Variants in PTH2R observed in about 807,000 individuals in gnomAD.
PTH2R encodes the protein parathyroid hormone 2 receptor.
Under a neutral mutation model 60.3 loss-of-function variants are expected in PTH2R, and 59 were observed. The observed-to-expected ratio is 0.98, with a 90% CI of 0.79 to 1.22. The LOEUF (loss-of-function observed/expected upper bound fraction) is 1.22, where lower values mean the gene tolerates loss of function less well. Ranked by LOEUF, PTH2R falls within the 50% of genes most tolerant of loss-of-function variation. The probability of loss-of-function intolerance (pLI) is 0.00; values close to 1 mark genes in which losing one functional copy is unlikely to be tolerated. For missense variants in PTH2R, 749 were observed against 682.6 expected, an observed-to-expected ratio of 1.10 and a Z score of -1.08; for synonymous variants, 256 against 243.8, an observed-to-expected ratio of 1.05 and a Z score of -0.47.
chr2:208,411,982 A>T (rs1002066474), intron 1 of PTH2R, among the ~76,000 whole-genome samples: 2 of 152,176 alleles, frequency 1.3e-5, no homozygotes, highest in Non-Finnish European at 2.9e-5. Flanking sequence ...CTAGATTAAG[A>T]TTATTTCTAA....
intron 1 of PTH2R, among the ~76,000 whole-genome samples, chr2:208,415,227 A>T (rs555228295): frequency 3.3e-5 from 5 of 152,228 alleles, no homozygotes; most frequent in Non-Finnish European, 7.3e-5. Context: ...GTACTATCTT[A>T]TATAAATAAA....
At chr2:208,359,910 C>G (rs1171987408) in exon 1 of PTH2R, 1 of 224,026 alleles carries the variant, frequency 4.5e-6, no homozygotes. Context: ...GCAGGGAGAC[C>G]GGGAGGTGGC....
At chr2:208,371,365 G>A (rs1480687149) in intron 1 of PTH2R, among the ~76,000 whole-genome samples, 2 of 152,098 alleles carry the variant, frequency 1.3e-5, no homozygotes, top group East Asian at 3.9e-4. Context: ...GTTTACAAAC[G>A]TGACGTTAAA....
intron 1 of PTH2R, among the ~76,000 whole-genome samples, chr2:208,424,617 C>G (rs1701821177): frequency 6.6e-6 from 1 of 152,162 alleles, no homozygotes; most frequent in South Asian, 2.1e-4. Flanking sequence ...TGCTGAGATG[C>G]ACCTGTCCTG....
chr2:208,407,007 A>C lies in PTH2R; in HGVS notation c.-37A>C. ...CTTGGAAGCTTCTCCCGGGCTCTGGAGGAGGGTCCCTGCTTCTTCCTACAG... is the reference window on the plus strand; with the variant it reads ...CTTGGAAGCTTCTCCCGGGCTCTGGCGGAGGGTCCCTGCTTCTTCCTACAG... On this transcript the variant is annotated 5_prime_UTR_variant, in exon 1 of 13. Coordinates refer to ENST00000272847, the MANE Select transcript of PTH2R (RefSeq NM_005048.4). 7.3e-7 allele frequency: 1 copy of C among 1,366,792 alleles called. No individual in the cohort carries two copies. Among genetic ancestry groups the C allele is most frequent in the Non-Finnish European group, 9.5e-7 (1 of 1,052,168 alleles). The allele number at this position is 1,366,792 out of a possible 1,614,324, so 84.7% of individuals were successfully genotyped here.
chr2:208,428,375 C>T (rs554091060), intron 2 of PTH2R, 72 bp downstream of exon 2: 2 of 1,089,104 alleles, frequency 1.8e-6, no homozygotes, highest in East Asian at 2.5e-5. Context: ...CATTTCCCTC[C>T]TTCTTTAGTG....
At chr2:208,362,401 G>A (rs1700492812) in intron 1 of PTH2R, among the ~76,000 whole-genome samples, 1 of 152,068 alleles carries the variant, frequency 6.6e-6, no homozygotes, top group African/African-American at 2.4e-5. Flanking sequence ...ATAAATAGAT[G>A]TCTCATATAT....
rs1701540965 is a variant in PTH2R, at chr2:208,411,615, A to G, written c.75+4497A>G. Among the ~76,000 whole-genome samples, 2 of 152,206 alleles carry G rather than the reference A, an allele frequency of 1.3e-5. 1 individual carries two copies. The highest frequency in any genetic ancestry group is 1.3e-4 in the Admixed American group (2 of 15,278). On this transcript the variant is annotated intron_variant, in intron 1 of 12. Transcript: ENST00000272847. Reference sequence around the variant, plus strand: ...AAATATTTTCAGCAGGCATTCATGCATCTCACTTATTTTCCTGTCTTGAAC... The same window carrying G: ...AAATATTTTCAGCAGGCATTCATGCGTCTCACTTATTTTCCTGTCTTGAAC...
chr2:208,397,376 C>G (rs773020331), intron 1 of PTH2R, among the ~76,000 whole-genome samples: 3 of 152,032 alleles, frequency 2.0e-5, no homozygotes, highest in Non-Finnish European at 4.4e-5. Flanking sequence ...ATACTTACCA[C>G]TCTGATGAAT....
chr2:208,377,916 A>G (rs1700835891), intron 1 of PTH2R, among the ~76,000 whole-genome samples: 1 of 148,722 alleles, frequency 6.7e-6, no homozygotes, highest in Admixed American at 6.7e-5. Context: ...GGGGCTCCTC[A>G]CATCCCAGAC....
At chr2:208,380,671 G>A (rs529733772) in intron 1 of PTH2R, among the ~76,000 whole-genome samples, 7 of 152,208 alleles carry the variant, frequency 4.6e-5, no homozygotes, top group South Asian at 4.1e-4. Flanking sequence ...GGAACTCACC[G>A]GATAAAAGGC....
chr2:208,458,781 G>C (rs998667004), intron 8 of PTH2R, among the ~76,000 whole-genome samples: 2 of 152,050 alleles, frequency 1.3e-5, no homozygotes, highest in African/African-American at 4.8e-5. Flanking sequence ...ACATGATCTT[G>C]TGTTTTTTTT....
intron 1 of PTH2R, among the ~76,000 whole-genome samples, chr2:208,423,464 T>C (rs551078966): frequency 5.6e-4 from 86 of 152,342 alleles, no homozygotes; most frequent in African/African-American, 2.0e-3. Flanking sequence ...GAGAACTCTG[T>C]ATGCTTGCAA....
chr2:208,372,403 T>A (rs1247539346), intron 1 of PTH2R, among the ~76,000 whole-genome samples: 1 of 152,014 alleles, frequency 6.6e-6, no homozygotes, highest in African/African-American at 2.4e-5. Flanking sequence ...TTAAGACTAT[T>A]CTAGGTCATG....
chr2:208,444,188 C>T (rs144304293), intron 6 of PTH2R, among the ~76,000 whole-genome samples: 65 of 152,230 alleles, frequency 4.3e-4, no homozygotes, highest in South Asian at 1.5e-3. Context: ...AGGAAGTGGA[C>T]GCAATAGTGT....
intron 1 of PTH2R, among the ~76,000 whole-genome samples, chr2:208,416,553 C>A (rs892221990): frequency 5.3e-5 from 8 of 152,178 alleles, no homozygotes; most frequent in Non-Finnish European, 1.2e-4. Context: ...ATTAGGTGAA[C>A]TACTTTTTCA....
intron 9 of PTH2R, among the ~76,000 whole-genome samples, chr2:208,477,642 T>C (rs1286544629): frequency 2.6e-5 from 4 of 152,068 alleles, no homozygotes; most frequent in Non-Finnish European, 5.9e-5. Flanking sequence ...AATAATTTGA[T>C]TTCTATATTT....
intron 9 of PTH2R, among the ~76,000 whole-genome samples, chr2:208,475,789 G>A (rs1334843989): frequency 4.6e-5 from 7 of 152,054 alleles, no homozygotes; most frequent in Non-Finnish European, 8.8e-5. Flanking sequence ...TTAGATGTTT[G>A]TTTCATCATG....
At chr2:208,396,601 A>G (rs1470196179) in intron 1 of PTH2R, among the ~76,000 whole-genome samples, 1 of 152,214 alleles carries the variant, frequency 6.6e-6, no homozygotes, top group Non-Finnish European at 1.5e-5. Context: ...CAAAACCACA[A>G]TGAGATACCA....
Sources: allele counts gnomAD v4.1 joint callset (sites outside exome capture counted in the v4.1 genomes callset), GRCh38; gene constraint gnomAD v4.1.1; transcripts MANE v1.5; gene names NCBI Gene and HGNC (gene_info 2026-07-23, HGNC 2026-07-21).